MEGF6: variants seen among roughly 807,000 people sequenced by gnomAD.
The protein encoded by MEGF6 is multiple epidermal growth factor-like domains protein 6.
In MEGF6, 184 loss-of-function variants were observed where a neutral mutation model predicts 207.1. The observed-to-expected ratio is 0.89, with a 90% CI of 0.79 to 1.00. MEGF6 has a LOEUF of 1.00. MEGF6 is among the 50% of genes least tolerant of loss of function. The pLI, the probability that MEGF6 is intolerant of heterozygous loss-of-function variation, is 0.00. For synonymous variants in MEGF6, 1,038 were observed against 910.0 expected, an observed-to-expected ratio of 1.14 and a Z score of -2.53; for missense variants, 2,282 against 2,202.9, an observed-to-expected ratio of 1.04 and a Z score of -0.72.
chr1:3,551,062 G>A (rs1387474794), intron 4 of MEGF6, among the ~76,000 whole-genome samples: 3 of 152,220 alleles, frequency 2.0e-5, no homozygotes, highest in Admixed American at 6.5e-5. Context: ...AGCCGGGCCC[G>A]CGTGGCCATG....
At chr1:3,554,088 T>C (rs1031489546) in intron 4 of MEGF6, among the ~76,000 whole-genome samples, 9 of 152,098 alleles carry the variant, frequency 5.9e-5, no homozygotes, top group African/African-American at 9.7e-5. Flanking sequence ...GGAACAAGCT[T>C]GGCGCCTGCT....
At position 3,565,562 on chromosome 1, in the gene MEGF6, C is replaced by T. The variant is rs984610275; in HGVS notation, c.481+14263G>A. On this transcript the variant is annotated intron_variant, in intron 4 of 36. Coordinates refer to ENST00000356575, the MANE Select transcript of MEGF6 (RefSeq NM_001409.4). The surrounding 1 kb of genome is among the most constrained non-coding windows in gnomAD (Gnocchi z 4.8). Reference sequence around the variant, plus strand: ...GAGGAGGACGCTTCGTGCGGGGCTGCCTGGCCTGGCCCTGGACGGTCCCCA... The same window carrying T: ...GAGGAGGACGCTTCGTGCGGGGCTGTCTGGCCTGGCCCTGGACGGTCCCCA... Among the ~76,000 whole-genome samples the T allele has an allele frequency of 3.9e-5, 6 of 152,176 alleles. No homozygotes were observed. Among genetic ancestry groups the T allele is most frequent in the Admixed American group, 6.5e-5 (1 of 15,292 alleles).
rs1323735511 is a variant in MEGF6 at position 3,494,061 on chromosome 1, G to A, written c.4193C>T (p.Pro1398Leu). 6.2e-7 allele frequency: 1 copy of A among 1,606,332 alleles called. No homozygotes were observed. Among genetic ancestry groups the A allele is most frequent in the Non-Finnish European group, 8.5e-7 (1 of 1,176,462 alleles). Reference sequence around the variant, plus strand: ...GCATCGGCCACTGATGGGGTCGCAGGGGGCTCCATGTTGACACCAGCACAA... The same window carrying A: ...GCATCGGCCACTGATGGGGTCGCAGAGGGCTCCATGTTGACACCAGCACAA... ...QGLCWCQHGA[P>L]CDPISGRCLC... Residue 1398 changes from proline to leucine, a missense_variant, in exon 33 of 37, where the codon CCC becomes CTC. Physicochemically the swap from Pro to Leu is moderately conservative, Grantham distance 98. Transcript: ENST00000356575.
chr1:3,512,014 T>C lies in MEGF6; in HGVS notation c.968A>G (p.Gln323Arg). ...GCCGGCTGCCCACTCACGGTAGCAC[T>C]GCCGGCCATCGGCGCCCAGCTCATA... ...AGYELGADGRQCYRIEMEIVN... is the reference protein window; with the variant it reads ...AGYELGADGRRCYRIEMEIVN... Residue 323 changes from glutamine to arginine, a missense_variant, in exon 8 of 37, where the codon CAG (glutamine) becomes CGG (arginine). Physicochemically the swap from Gln to Arg is conservative, Grantham distance 43. Transcript: ENST00000356575. The C allele has an allele frequency of 6.2e-7, 1 of 1,612,320 alleles. No homozygotes were observed. The highest frequency in any genetic ancestry group is 8.5e-7 in the Non-Finnish European group (1 of 1,179,902).
intron 4 of MEGF6, chr1:3,531,565 C>A (rs1228472538): frequency 1.1e-6 from 1 of 930,484 alleles, no homozygotes; most frequent in East Asian, 9.6e-5. Context: ...GGCCCGCCCG[C>A]CCCGCGCATT....
In MEGF6 at chr1:3,579,705, G is replaced by A. The variant is rs528805872; in HGVS notation, c.481+120C>T. ...GCGGAATGTCCTCAGAAGAATGCCC[G>A]TTCACTCGGGGTGTCCCCTACACAG... is the stretch of plus-strand genomic sequence containing the variant. On this transcript the variant is annotated intron_variant, in intron 4 of 36. Transcript: ENST00000356575. 34 of 619,928 alleles carry A rather than the reference G, an allele frequency of 5.5e-5. No individual in the cohort carries two copies. The East Asian group carries it at 8.3e-4, about 15-fold the overall frequency. 38.4% of individuals were successfully genotyped at this position (619,928 alleles called of 1,614,324 possible).
chr1:3,523,320 G>A (rs1481506931), intron 5 of MEGF6, among the ~76,000 whole-genome samples: 1 of 152,182 alleles, frequency 6.6e-6, no homozygotes, highest in African/African-American at 2.4e-5. Flanking sequence ...GTGCCGAAGG[G>A]TGAGGGTGGC....
intron 4 of MEGF6, among the ~76,000 whole-genome samples, chr1:3,533,314 G>T (rs1439185093): frequency 6.6e-6 from 1 of 152,230 alleles, no homozygotes; most frequent in Non-Finnish European, 1.5e-5. Flanking sequence ...GGCCCTGCCT[G>T]TCTGCGGGGC....
At chr1:3,616,468 C>G (rs1490712036), upstream of MEGF6, among the ~76,000 whole-genome samples, 1 of 152,162 alleles carries the variant, frequency 6.6e-6, no homozygotes, top group Non-Finnish European at 1.5e-5. Flanking sequence ...CCACCCCGGA[C>G]CGCCCCAGTC....
chr1:3,523,082 G>C (rs1034074404), intron 5 of MEGF6, among the ~76,000 whole-genome samples: 2 of 152,072 alleles, frequency 1.3e-5, no homozygotes, highest in South Asian at 4.2e-4. Context: ...GCCGGGGGGG[G>C]GGCCCCAGGG....
intron 4 of MEGF6, among the ~76,000 whole-genome samples, chr1:3,534,461 C>T (rs1570079778): frequency 6.6e-6 from 1 of 152,204 alleles, no homozygotes; most frequent in South Asian, 2.1e-4. Context: ...CTAGTAAGAA[C>T]TGAGGCCCCA....
Position 3,498,730 on chromosome 1 carries a change from G to A in MEGF6, c.3191C>T (p.Pro1064Leu), listed in dbSNP as rs770779963. Residue 1064 changes from proline to leucine, a missense_variant, in exon 25 of 37, where the codon CCA becomes CTA. Transcript: ENST00000356575. ...ACAGGCCAGGCCGGCCCAGCCCTCT[G>A]GGCACGCACAGTGGCCTGAGACAGG... ...CDPVSGHCAC[P>L]EGWAGLACEK... 20 of 1,567,660 alleles carry A rather than the reference G, an allele frequency of 1.3e-5. No individual in the cohort carries two copies. The highest frequency in any genetic ancestry group is 1.6e-5 in the Non-Finnish European group (18 of 1,158,678).
rs765111976 is a variant in MEGF6, at chr1:3,509,178, G to T, written c.1425C>A (p.Ala475=). 1 of 1,578,240 alleles carries T rather than the reference G, an allele frequency of 6.3e-7. No homozygotes were observed. The highest frequency in any genetic ancestry group is 8.6e-7 in the Non-Finnish European group (1 of 1,162,666). The change falls in exon 12 of 37, where the codon GCC becomes GCA. Residue 475 remains alanine, a synonymous_variant. Coordinates refer to ENST00000356575, the MANE Select transcript of MEGF6 (RefSeq NM_001409.4). ...GTTGCGGCAGCTCGTCCTGGAGCAC[G>T]GCAATGTGGGGCAGGGGCCGCACGA... ...LPFVRPLPHI[A]VLQDELPQLF... is the part of the protein sequence containing the mutation.
chr1:3,584,444 C>T (rs1245162168), intron 3 of MEGF6, among the ~76,000 whole-genome samples: 11 of 152,222 alleles, frequency 7.2e-5, no homozygotes, highest in South Asian at 2.1e-4. Context: ...GACCACCAGG[C>T]GGATCAAGCC....
chr1:3,492,870 G>T, intron 34 of MEGF6, 103 bp from the exon 35 acceptor site: 1 of 1,481,314 alleles, frequency 6.8e-7, no homozygotes, highest in Non-Finnish European at 9.1e-7. Flanking sequence ...CAGGTGGAGT[G>T]AAGCCTTCTG....
intron 4 of MEGF6, among the ~76,000 whole-genome samples, chr1:3,559,545 AAAG>A (rs1356632449): frequency 6.3e-5 from 9 of 143,560 alleles, no homozygotes; most frequent in Non-Finnish European, 9.1e-5. Context: ...AAAAAAAAAA[AAAG>A]AAGAAGTCTA....
intron 4 of MEGF6, among the ~76,000 whole-genome samples, chr1:3,542,710 C>T (rs529332108): frequency 1.3e-5 from 2 of 152,122 alleles, no homozygotes; most frequent in African/African-American, 4.8e-5. Context: ...CCGCATCTTA[C>T]AGAGAGAGAC....
intron 4 of MEGF6, among the ~76,000 whole-genome samples, chr1:3,538,321 A>G (rs1642395323): frequency 2.0e-5 from 3 of 152,054 alleles, no homozygotes; most frequent in Admixed American, 2.0e-4. Flanking sequence ...TATCAGGAGC[A>G]GGGGGGGCCC....
intron 29 of MEGF6, 117 bp from the exon 30 acceptor site, chr1:3,496,135 A>T (rs1389115677): frequency 3.6e-6 from 5 of 1,381,414 alleles, no homozygotes; most frequent in Non-Finnish European, 4.7e-6. Context: ...TCTGCCCCAG[A>T]CAGGGTGGGG....
Sources: allele counts gnomAD v4.1 joint callset (sites outside exome capture counted in the v4.1 genomes callset), GRCh38; gene constraint gnomAD v4.1.1; non-coding constraint Gnocchi (gnomAD v3.1); transcripts MANE v1.5; gene names NCBI Gene and HGNC (gene_info 2026-07-23, HGNC 2026-07-21).